KALRN: variants seen among roughly 807,000 people sequenced by gnomAD.
KALRN encodes kalirin.
Under a neutral mutation model 353.7 loss-of-function variants are expected in KALRN, and 70 were observed. The observed-to-expected ratio is 0.20, with a 90% CI of 0.16 to 0.24. KALRN has a LOEUF of 0.24. KALRN is among the 10% of genes least tolerant of loss of function. The pLI is 1.00. For synonymous variants in KALRN, 1,391 were observed against 1,434.8 expected, an observed-to-expected ratio of 0.97 and a Z score of 0.69; for missense variants, 2,791 against 3,756.7, an observed-to-expected ratio of 0.74 and a Z score of 6.72.
intron 3 of KALRN, among the ~76,000 whole-genome samples, chr3:124,249,237 C>A (rs189784345): frequency 3.9e-5 from 6 of 152,132 alleles, no homozygotes; most frequent in African/African-American, 1.2e-4. Context: ...GGGGGAGGGA[C>A]CCAGTTCTTG....
At chr3:124,219,195 A>C (rs2077635732) in intron 1 of KALRN, among the ~76,000 whole-genome samples, 1 of 152,242 alleles carries the variant, frequency 6.6e-6, no homozygotes, top group Admixed American at 6.5e-5. Context: ...CATTGAGAGA[A>C]GTACTCAGCC....
intron 34 of KALRN, among the ~76,000 whole-genome samples, chr3:124,628,742 ATTTTTT>A (rs58523719): frequency 5.0e-5 from 5 of 100,096 alleles, no homozygotes; most frequent in African/African-American, 2.3e-4. Flanking sequence ...CACCTGGCTA[ATTTTTT>A]TTTTTTTTTT....
chr3:124,535,214 C>A (rs1409967065), intron 33 of KALRN, among the ~76,000 whole-genome samples: 1 of 151,662 alleles, frequency 6.6e-6, no homozygotes, highest in African/African-American at 2.4e-5. Context: ...CTTGTAAACA[C>A]CCTTGAATAT....
intron 1 of KALRN, among the ~76,000 whole-genome samples, chr3:124,135,892 A>T (rs1164469995): frequency 6.6e-6 from 1 of 152,202 alleles, no homozygotes; most frequent in Non-Finnish European, 1.5e-5. Flanking sequence ...ATTTCCTTAT[A>T]TCATTTTATG....
chr3:124,564,340 A>G (rs1252512085), intron 34 of KALRN, among the ~76,000 whole-genome samples: 4 of 152,088 alleles, frequency 2.6e-5, no homozygotes, highest in Non-Finnish European at 2.9e-5. Flanking sequence ...CTATGATTGC[A>G]TCGCTGCGCT....
At chr3:124,364,738 C>A (rs1219920055) in intron 10 of KALRN, among the ~76,000 whole-genome samples, 1 of 152,190 alleles carries the variant, frequency 6.6e-6, no homozygotes, top group African/African-American at 2.4e-5. Flanking sequence ...CTCCCTCCCA[C>A]CAGCTTTCCA....
rs778123272 is a variant in KALRN, at chr3:124,269,159, C to T, written c.873C>T (p.His291=). 43 of 1,613,046 alleles carry T rather than the reference C, an allele frequency of 2.7e-5. No homozygotes were observed. The highest frequency in any genetic ancestry group is 3.5e-5 in the Non-Finnish European group (41 of 1,179,626). The change falls in exon 5 of 60, where the codon CAC becomes CAT. Residue 291 remains histidine, a synonymous_variant. Coordinates refer to ENST00000682506, the MANE Select transcript of KALRN (RefSeq NM_001388419.1). The part of the protein sequence containing the change: ...PKITSLLDKL[H]STRQHLHQMW... Reference sequence around the variant, plus strand: ...TCACCAGTCTCCTGGACAAGCTGCACTCCACCCGGCAGCACCTGCACCAGA... The same window carrying T: ...TCACCAGTCTCCTGGACAAGCTGCATTCCACCCGGCAGCACCTGCACCAGA...
chr3:124,389,851 G>T (rs1442962363), intron 11 of KALRN, among the ~76,000 whole-genome samples: 1 of 151,566 alleles, frequency 6.6e-6, no homozygotes, highest in African/African-American at 2.4e-5. Flanking sequence ...TTTTTGTTTT[G>T]CAAGATTTCT....
chr3:124,413,732 A>G, intron 14 of KALRN, 67 bp downstream of exon 14: 1 of 1,217,764 alleles, frequency 8.2e-7, no homozygotes, highest in Admixed American at 1.9e-5. Context: ...CTAGCCTGCA[A>G]GGAGCAGTGC....
intron 37 of KALRN, among the ~76,000 whole-genome samples, chr3:124,645,920 A>T (rs1055847235): frequency 1.3e-5 from 2 of 152,050 alleles, no homozygotes; most frequent in Non-Finnish European, 2.9e-5. Flanking sequence ...ATTCCCACCA[A>T]CACGTACCAG....
chr3:124,169,269 G>A (rs2071356929), intron 1 of KALRN, among the ~76,000 whole-genome samples: 1 of 152,122 alleles, frequency 6.6e-6, no homozygotes, highest in African/African-American at 2.4e-5. Context: ...GAGAGTCCAT[G>A]CTTAAAGAAT....
chr3:124,705,987 C>A (rs1285325804), intron 57 of KALRN, among the ~76,000 whole-genome samples: 1 of 152,106 alleles, frequency 6.6e-6, no homozygotes, highest in Non-Finnish European at 1.5e-5. Context: ...TCATGGTTCA[C>A]TGCATCCTTG....
intron 16 of KALRN, among the ~76,000 whole-genome samples, chr3:124,433,194 C>G (rs191019896): frequency 2.2e-4 from 33 of 151,364 alleles, no homozygotes; most frequent in Non-Finnish European, 1.3e-4. Flanking sequence ...TTCTTGAACC[C>G]TAAGAAAGGA....
Position 124,151,220 on chromosome 3 carries a change from TG to T in KALRN, c.74-76766del, listed in dbSNP as rs544156058. Among the ~76,000 whole-genome samples, 6 of 152,248 alleles carry T rather than the reference TG, an allele frequency of 3.9e-5. No individual in the cohort carries two copies. In the South Asian group the frequency reaches 1.2e-3, roughly 32 times the overall value. On this transcript the variant is annotated intron_variant, in intron 1 of 59. Transcript: ENST00000682506. ...ATACCTAAGGGGAAATACCAAGGAA[TG>T]GGGTATGAGTATGTTTAGCTTTAAT...
intron 9 of KALRN, 120 bp from the exon 10 acceptor site, chr3:124,347,023 C>T: frequency 1.4e-6 from 2 of 1,455,754 alleles, no homozygotes; most frequent in Admixed American, 1.8e-5. Context: ...TCCACCTGAA[C>T]TGCTGCTTTA....
At chr3:124,414,643 G>A (rs1162505940) in intron 14 of KALRN, among the ~76,000 whole-genome samples, 1 of 152,170 alleles carries the variant, frequency 6.6e-6, no homozygotes, top group African/African-American at 2.4e-5. Context: ...GATGTTAGAA[G>A]GAGAGAGCAC....
intron 34 of KALRN, among the ~76,000 whole-genome samples, chr3:124,582,353 T>C (rs1305647580): frequency 6.6e-6 from 1 of 152,154 alleles, no homozygotes; most frequent in East Asian, 1.9e-4. Context: ...ATTTCTCTGT[T>C]TTTGTATGTG....
At chr3:124,516,585 C>G (rs1402713659) in intron 33 of KALRN, among the ~76,000 whole-genome samples, 1 of 146,958 alleles carries the variant, frequency 6.8e-6, no homozygotes, top group African/African-American at 2.5e-5. Context: ...ATTTATAAGA[C>G]TATTAAATCC....
At chr3:124,425,049 C>G (rs1216135473) in intron 15 of KALRN, among the ~76,000 whole-genome samples, 2 of 152,062 alleles carry the variant, frequency 1.3e-5, no homozygotes, top group Non-Finnish European at 2.9e-5. Context: ...CACAGAAATA[C>G]TACATGCATG....
Sources: gnomAD v4.1 joint callset for allele counts (sites outside exome capture counted in the v4.1 genomes callset) on GRCh38, gnomAD v4.1.1 for gene constraint, MANE v1.5 for transcripts, NCBI Gene and HGNC (gene_info 2026-07-23, HGNC 2026-07-21) for gene names.